BLTP1: variants seen among roughly 807,000 people sequenced by gnomAD.
The protein encoded by BLTP1 is fragile site-associated protein.
the BLTP1 span, chr4:122,349,089 A>C: frequency 7.7e-7 from 1 of 1,290,524 alleles, no homozygotes; most frequent in Non-Finnish European, 1.0e-6. This position sits in a 1 kb window ranked among gnomAD's most constrained non-coding sequence, Gnocchi z 4.5. Context: ...ACTCCTTTTT[A>C]ATTTAAATCC....
the BLTP1 span, among the ~76,000 whole-genome samples, chr4:122,186,432 C>T: frequency 6.6e-6 from 1 of 151,882 alleles, no homozygotes; most frequent in African/African-American, 2.4e-5. Context: ...TATTCCCTTG[C>T]ACACAAATCC....
At chr4:122,154,296 C>G in the BLTP1 span, 1 of 982,282 alleles carries the variant, frequency 1.0e-6, no homozygotes, top group Non-Finnish European at 1.2e-6. Context: ...CTGCCTCAGC[C>G]TCCCAAGTAG....
chr4:122,294,685 T>C, the BLTP1 span, among the ~76,000 whole-genome samples: 1 of 152,094 alleles, frequency 6.6e-6, no homozygotes. Context: ...TGCTGAAAAC[T>C]CAAAAAGCCA....
chr4:122,218,420 C>T, the BLTP1 span, among the ~76,000 whole-genome samples: 19 of 152,198 alleles, frequency 1.2e-4, no homozygotes, highest in East Asian at 3.5e-3. Flanking sequence ...TTTTGTGAGC[C>T]GGTAGGTTTG....
chr4:122,254,376 G>T, the BLTP1 span: 1 of 1,490,112 alleles, frequency 6.7e-7, no homozygotes, highest in Non-Finnish European at 9.3e-7. Flanking sequence ...TAGTAGTATC[G>T]CTTGATGTTT....
the BLTP1 span, chr4:122,229,170 C>G: frequency 6.2e-7 from 1 of 1,610,054 alleles, no homozygotes. Context: ...TTGAAATATA[C>G]TATGATTCGT....
At chr4:122,236,888 C>T in the BLTP1 span, 11,904 of 985,204 alleles carry the variant, frequency 0.012, 1,098 homozygotes, top group African/African-American at 0.19. Context: ...CCCCTACATA[C>T]GTACCTGAGT....
chr4:122,354,442 C>T, the BLTP1 span, among the ~76,000 whole-genome samples: 1 of 147,544 alleles, frequency 6.8e-6, no homozygotes, highest in South Asian at 2.1e-4. Context: ...ATCATTCTAT[C>T]AAGTTGTAAG....
chr4:122,240,304 G>T, the BLTP1 span: 3 of 1,614,080 alleles, frequency 1.9e-6, no homozygotes, highest in Non-Finnish European at 8.5e-7. Flanking sequence ...ACACCAACCA[G>T]TGAAGAAAGT....
chr4:122,188,492 G>A, the BLTP1 span, among the ~76,000 whole-genome samples: 739 of 152,150 alleles, frequency 4.9e-3, 15 homozygotes, highest in Non-Finnish European at 4.0e-3. Flanking sequence ...ATTGAAAGTC[G>A]AAAATTGAAT....
the BLTP1 span, among the ~76,000 whole-genome samples, chr4:122,319,874 CT>C: frequency 4.0e-4 from 61 of 151,846 alleles, no homozygotes; most frequent in African/African-American, 1.4e-3. Context: ...TTAAGTTATG[CT>C]TTTTGGTCCA....
At chr4:122,319,539 A>ATTTTTTTTTTTTTTTTTTTTTTTTTTT in the BLTP1 span, among the ~76,000 whole-genome samples, 1 of 131,682 alleles carries the variant, frequency 7.6e-6, no homozygotes, top group Non-Finnish European at 1.6e-5. Context: ...ATGATTTATA[A>ATTTTTTTTTTTTTTTTTTTTTTTTTTT]TTTTTTTTTT....
At chr4:122,176,904 TAAAC>T in the BLTP1 span, among the ~76,000 whole-genome samples, 1 of 152,230 alleles carries the variant, frequency 6.6e-6, no homozygotes, top group Non-Finnish European at 1.5e-5. Context: ...GTTTAAATCT[TAAAC>T]AGACTCTAGG....
the BLTP1 span, chr4:122,187,397 T>C: frequency 6.2e-7 from 1 of 1,607,986 alleles, no homozygotes; most frequent in Non-Finnish European, 8.5e-7. Context: ...TTTAAGGTTT[T>C]CTTATTCATG....
At chr4:122,281,276 T>C in the BLTP1 span, 1 of 975,248 alleles carries the variant, frequency 1.0e-6, no homozygotes, top group Admixed American at 6.2e-5. Context: ...TAAATCCCAG[T>C]TTTGTAATAA....
the BLTP1 span, chr4:122,209,082 C>T: frequency 2.2e-6 from 3 of 1,339,764 alleles, no homozygotes; most frequent in South Asian, 2.1e-5. Context: ...TTGTTGTAGA[C>T]AGGTTTGCCC....
chr4:122,230,440 T>G, the BLTP1 span, among the ~76,000 whole-genome samples: 1 of 152,212 alleles, frequency 6.6e-6, no homozygotes, highest in African/African-American at 2.4e-5. Context: ...TTTTCTGATG[T>G]GTTTCTAAGT....
the BLTP1 span, among the ~76,000 whole-genome samples, chr4:122,237,834 T>C: frequency 6.6e-6 from 1 of 151,832 alleles, no homozygotes; most frequent in South Asian, 2.1e-4. Flanking sequence ...AATACAAAAA[T>C]TAGCTGGGTG....
chr4:122,295,242 G>A, the BLTP1 span, among the ~76,000 whole-genome samples: 4 of 151,610 alleles, frequency 2.6e-5, no homozygotes, highest in African/African-American at 4.8e-5. Flanking sequence ...GCCAACATTC[G>A]AATTCAGGAA....
Sources: allele counts gnomAD v4.1 joint callset (sites outside exome capture counted in the v4.1 genomes callset), GRCh38; gene constraint gnomAD v4.1.1; non-coding constraint Gnocchi (gnomAD v3.1); transcripts MANE v1.5; gene names NCBI Gene and HGNC (gene_info 2026-07-23, HGNC 2026-07-21).